The following CYLC1 variants were observed in gnomAD, a reference collection of about 807,000 sequenced individuals.
CYLC1 encodes the protein cylicin 1.
Under a neutral mutation model 31.6 loss-of-function variants are expected in CYLC1, and 2 were observed. The ratio of observed to expected loss-of-function variants is 0.06; its 90% CI spans 0.03 to 0.20. The LOEUF (loss-of-function observed/expected upper bound fraction) is 0.20, where lower values mean the gene tolerates loss of function less well. Among genes scored for constraint, CYLC1 ranks in the 10% least tolerant of loss-of-function variants. The pLI is 1.00. For missense variants in CYLC1, 595 were observed against 424.1 expected (o/e 1.40, Z -3.54); for synonymous variants, 185 against 153.0 (o/e 1.21, Z -1.54).
intron 2 of CYLC1, among the ~76,000 whole-genome samples, chrX:83,870,836 A>G (rs144866681): frequency 0.022 from 2,413 of 110,892 alleles, 54 homozygotes; most frequent in African/African-American, 0.062. Context: ...GATCTTCCTG[A>G]TCACCCTATT....
chrX:83,865,175 CT>C (rs1192755777), intron 1 of CYLC1, among the ~76,000 whole-genome samples: 1 of 110,961 alleles, frequency 9.0e-6, no homozygotes, highest in Non-Finnish European at 1.9e-5. Flanking sequence ...TTTTATACCC[CT>C]TCTAAACCTG....
intron 4 of CYLC1, among the ~76,000 whole-genome samples, chrX:83,878,043 T>A (rs1478335555): frequency 1.8e-4 from 12 of 65,425 alleles, no homozygotes; most frequent in African/African-American, 7.4e-4. Context: ...TATATAAATA[T>A]AAATATATAT....
chrX:83,886,631 G>A lies in CYLC1; in HGVS notation c.*47G>A, dbSNP rs747690715. ...TCACAGAATGGCCTTACCACAGTAA[G>A]CACCACCTACTCTCAAATGAGCATT... On this transcript the variant is annotated 3_prime_UTR_variant, in exon 5 of 5. Transcript: ENST00000329312. 1.9e-5 allele frequency: 20 copies of A among 1,053,099 alleles called. No homozygotes were observed. The South Asian group carries it at 3.7e-4, about 20-fold the overall frequency. The allele number at this position is 1,053,099 out of a possible 1,213,427, so 86.8% of individuals were successfully genotyped here. A position where few individuals can be genotyped will look rare whatever the true frequency, so the allele number is the denominator to read the frequency against.
chrX:83,872,754 C>G (rs961625787), intron 3 of CYLC1, 132 bp from the exon 4 acceptor site: 6 of 475,260 alleles, frequency 1.3e-5, no homozygotes, highest in Middle Eastern at 1.3e-3. Flanking sequence ...CACACACACA[C>G]AGACACAACC....
intron 1 of CYLC1, among the ~76,000 whole-genome samples, chrX:83,862,474 C>T (rs1478887508): frequency 9.1e-6 from 1 of 110,426 alleles, no homozygotes. Context: ...ACCTGGGGGG[C>T]GGAGCTTGCA....
chrX:83,868,416 T>G (rs2031619664), intron 1 of CYLC1, among the ~76,000 whole-genome samples: 1 of 110,948 alleles, frequency 9.0e-6, no homozygotes, highest in Admixed American at 9.7e-5. Flanking sequence ...GCTCAATATA[T>G]CACTATATTT....
chrX:83,869,911 A>G lies in CYLC1; in HGVS notation c.58+6A>G. On this transcript the variant is annotated splice_donor_region_variant and intron_variant, in intron 2 of 4. Transcript: ENST00000329312. ...ATATGATAATTCCATTCCAAGTAAG[A>G]ATTTAGTTAATGAAGTTTAATATTT... The G allele has an allele frequency of 1.2e-6, 1 of 807,079 alleles. No individual in the cohort carries two copies. Among genetic ancestry groups the G allele is most frequent in the Non-Finnish European group, 1.6e-6 (1 of 613,615 alleles). The allele number at this position is 807,079 out of a possible 1,213,427, so 66.5% of individuals were successfully genotyped here. A position where few individuals can be genotyped will look rare whatever the true frequency, so the allele number is the denominator to read the frequency against.
intron 4 of CYLC1, among the ~76,000 whole-genome samples, chrX:83,875,947 T>G (rs989035295): frequency 9.1e-6 from 1 of 110,287 alleles, no homozygotes; most frequent in Non-Finnish European, 1.9e-5. Flanking sequence ...AACTTCTCAT[T>G]TTTATTAATT....
At chrX:83,876,622 C>T (rs1246772087) in intron 4 of CYLC1, among the ~76,000 whole-genome samples, 1 of 110,403 alleles carries the variant, frequency 9.1e-6, no homozygotes, top group African/African-American at 3.3e-5. Flanking sequence ...TTAAAGGTTA[C>T]CAAATACCTT....
intron 4 of CYLC1, among the ~76,000 whole-genome samples, chrX:83,880,545 G>A (rs1192112401): frequency 9.0e-6 from 1 of 111,298 alleles, no homozygotes; most frequent in African/African-American, 3.3e-5. Context: ...TTAAATCCTT[G>A]CTCTATCACT....
At chrX:83,876,411 T>A (rs1409244428) in intron 4 of CYLC1, among the ~76,000 whole-genome samples, 8 of 111,029 alleles carry the variant, frequency 7.2e-5, no homozygotes, top group Non-Finnish European at 1.5e-4. Context: ...TAGACTCTTT[T>A]CCACAGGCAG....
At chrX:83,885,361 A>G (rs1376557100) in intron 4 of CYLC1, among the ~76,000 whole-genome samples, 1 of 110,303 alleles carries the variant, frequency 9.1e-6, no homozygotes, top group Non-Finnish European at 1.9e-5. Context: ...GAAATAGATA[A>G]TTTATACAGG....
rs1175540774 is a variant in CYLC1, at chrX:83,873,071, A to G, written c.363A>G (p.Glu121=). 5 of 1,196,058 alleles carry G rather than the reference A, an allele frequency of 4.2e-6. No individual in the cohort carries two copies. Among genetic ancestry groups the G allele is most frequent in the Non-Finnish European group, 4.5e-6 (4 of 890,215 alleles). Residue 121 remains glutamate (E), a synonymous_variant, in exon 4 of 5, where the codon GAA becomes GAG. Coordinates refer to ENST00000329312, the MANE Select transcript of CYLC1 (RefSeq NM_021118.3). ...CAGAATATAAAAAGTCCAAAGATGA[A>G]AAAGGAGGAACACCTTTGAAGAAAG... ...KKAEYKKSKD[E]KGGTPLKKDS... is the part of the protein sequence containing the mutation.
Position 83,872,295 on chromosome X carries a change from C to A in CYLC1, c.178-591C>A, listed in dbSNP as rs765275230. On this transcript the variant is annotated intron_variant, in intron 3 of 4. Coordinates refer to ENST00000329312, the MANE Select transcript of CYLC1 (RefSeq NM_021118.3). ...GATTTGAAAATAAATTACACCACTG[C>A]TGCACAAGTTAATGTGAATCAAGCA... Among the ~76,000 whole-genome samples the A allele has an allele frequency of 3.0e-3, 339 of 111,251 alleles. 4 individuals carry two copies. Among genetic ancestry groups the A allele is most frequent in the Non-Finnish European group, 3.6e-3 (187 of 52,664 alleles).
intron 4 of CYLC1, among the ~76,000 whole-genome samples, chrX:83,881,723 C>T (rs1297913810): frequency 1.4e-5 from 1 of 73,141 alleles, no homozygotes; most frequent in Non-Finnish European, 2.7e-5. Flanking sequence ...ACTGTCATTA[C>T]CTGATTTTTT....
At chrX:83,877,801 T>A (rs1224926904) in intron 4 of CYLC1, among the ~76,000 whole-genome samples, 1 of 97,876 alleles carries the variant, frequency 1.0e-5, no homozygotes, top group Non-Finnish European at 2.0e-5. Flanking sequence ...AAATTATATT[T>A]TATTCATTTG....
intron 4 of CYLC1, among the ~76,000 whole-genome samples, chrX:83,883,306 T>C (rs2031937494): frequency 8.9e-6 from 1 of 112,005 alleles, no homozygotes; most frequent in Admixed American, 9.5e-5. Context: ...ATTTGTTGAC[T>C]GATTAACTTA....
Position 83,873,582 on chromosome X carries a change from G to A in CYLC1, c.874G>A (p.Ala292Thr). ...KYTKKDTKKNAKKSSDAESED... is the reference protein window; with the variant it reads ...KYTKKDTKKNTKKSSDAESED... Reference sequence around the variant, plus strand: ...TACAAAGAAGGACACAAAAAAGAATGCAAAGAAAAGCTCTGATGCTGAATC... The same window carrying A: ...TACAAAGAAGGACACAAAAAAGAATACAAAGAAAAGCTCTGATGCTGAATC... The change falls in exon 4 of 5, where the codon GCA (alanine) becomes ACA (threonine). Residue 292 changes from alanine to threonine, a missense_variant. Physicochemically the swap from Ala to Thr is moderately conservative, Grantham distance 58 (BLOSUM62 0). Transcript: ENST00000329312. The A allele has an allele frequency of 8.4e-7, 1 of 1,189,950 alleles. No homozygotes were observed. Among genetic ancestry groups the A allele is most frequent in the South Asian group, 1.9e-5 (1 of 53,998 alleles).
chrX:83,875,795 C>T (rs1450947300), intron 4 of CYLC1, among the ~76,000 whole-genome samples: 1 of 110,979 alleles, frequency 9.0e-6, no homozygotes, highest in Admixed American at 9.6e-5. Context: ...TTGGGTGTAA[C>T]TCATTTACAT....
Sources: gnomAD v4.1 joint callset for allele counts (sites outside exome capture counted in the v4.1 genomes callset) on GRCh38, gnomAD v4.1.1 for gene constraint, MANE v1.5 for transcripts, NCBI Gene and HGNC (gene_info 2026-07-23, HGNC 2026-07-21) for gene names.